Variants in HHIP observed in about 807,000 individuals in gnomAD.
The protein encoded by HHIP is hedgehog interacting protein.
HHIP carries 12 observed loss-of-function variants against 74.0 expected under a neutral mutation model. The ratio of observed to expected loss-of-function variants is 0.16; its 90% CI spans 0.10 to 0.26. The LOEUF is 0.26. Ranked by LOEUF, HHIP falls within the 10% of genes least tolerant of loss-of-function variation. The pLI is 1.00. For synonymous variants in HHIP, 309 were observed against 311.6 expected (o/e 0.99, Z 0.09); for missense variants, 788 against 845.0 (o/e 0.93, Z 0.84).
In HHIP at chr4:144,706,699, T is replaced by C. The variant is rs570667170; in HGVS notation, c.983+17T>C. The C allele has an allele frequency of 4.5e-6, 7 of 1,571,078 alleles. No individual in the cohort carries two copies. The Admixed American group carries it at 6.3e-5, about 14-fold the overall frequency. ...AGTATCCAGGTATCACTAAAAGGCA[T>C]CGAAGCATAGAAATTTCTCATCTTA... On this transcript the variant is annotated intron_variant, in intron 5 of 12. Coordinates refer to ENST00000296575, the MANE Select transcript of HHIP (RefSeq NM_022475.3).
chr4:144,656,916 T>C (rs1728574175), intron 2 of HHIP, among the ~76,000 whole-genome samples: 1 of 152,158 alleles, frequency 6.6e-6, no homozygotes, highest in Admixed American at 6.5e-5. Context: ...GAATTTTTTT[T>C]CAAAGAAAAA....
intron 9 of HHIP, 152 bp downstream of exon 9, chr4:144,714,500 T>C (rs1228692403): frequency 2.8e-6 from 2 of 709,788 alleles, no homozygotes; most frequent in Non-Finnish European, 4.6e-6. Flanking sequence ...GTTCCATAGA[T>C]ATAGTGGTTT....
At chr4:144,690,480 A>G (rs1225710815) in intron 4 of HHIP, among the ~76,000 whole-genome samples, 3 of 152,198 alleles carry the variant, frequency 2.0e-5, no homozygotes, top group Non-Finnish European at 4.4e-5. Flanking sequence ...TAAACGATCA[A>G]CAAGTTATTC....
intron 4 of HHIP, among the ~76,000 whole-genome samples, chr4:144,692,281 C>G (rs1255702128): frequency 6.6e-6 from 1 of 152,140 alleles, no homozygotes; most frequent in Non-Finnish European, 1.5e-5. Flanking sequence ...TCAAACCCAA[C>G]TGTCATGTAA....
At chr4:144,734,193 ATAT>A (rs942159705) in intron 11 of HHIP, among the ~76,000 whole-genome samples, 12 of 151,782 alleles carry the variant, frequency 7.9e-5, no homozygotes, top group Non-Finnish European at 1.3e-4. Flanking sequence ...CAGTCTAAAA[ATAT>A]TATCTCAAAA....
intron 11 of HHIP, among the ~76,000 whole-genome samples, chr4:144,728,981 C>T (rs1578729646): frequency 6.6e-6 from 1 of 152,132 alleles, no homozygotes; most frequent in Non-Finnish European, 1.5e-5. Flanking sequence ...TAAACTGACA[C>T]TGAAGAAAGA....
In HHIP at chr4:144,742,636, T is replaced by A. The variant is rs1332878829; in HGVS notation, c.*4679T>A. 6.6e-6 allele frequency: 1 copy of A among 151,602 alleles called. No homozygotes were observed. The highest frequency in any genetic ancestry group is 1.5e-5 in the Non-Finnish European group (1 of 67,888). The allele number at this position is 151,602 out of a possible 1,614,324, so 9.4% of individuals were successfully genotyped here. A position where few individuals can be genotyped will look rare whatever the true frequency, so the allele number is the denominator to read the frequency against. On this transcript the variant is annotated 3_prime_UTR_variant, in exon 13 of 13. Coordinates refer to ENST00000296575, the MANE Select transcript of HHIP (RefSeq NM_022475.3). ...AAGTTGCAGAGGACTCAGACCAAAG[T>A]CCCATGGCAGAAAATGTACATATTT...
chr4:144,673,818 T>A (rs184956957), intron 4 of HHIP, among the ~76,000 whole-genome samples: 1 of 152,364 alleles, frequency 6.6e-6, no homozygotes, highest in East Asian at 1.9e-4. Flanking sequence ...CATAATGGGT[T>A]TCTTCTTTGT....
At chr4:144,650,461 A>G (rs542368657) in intron 1 of HHIP, among the ~76,000 whole-genome samples, 33 of 152,266 alleles carry the variant, frequency 2.2e-4, no homozygotes, top group Admixed American at 5.9e-4. Flanking sequence ...TGACGGCATC[A>G]TCAGAAATAA....
intron 4 of HHIP, among the ~76,000 whole-genome samples, chr4:144,678,086 C>T (rs1250540921): frequency 6.6e-6 from 1 of 152,134 alleles, no homozygotes; most frequent in Admixed American, 6.5e-5. Context: ...TCTATACAAC[C>T]TATAGTCCCA....
chr4:144,700,643 T>C (rs556805787), intron 4 of HHIP, among the ~76,000 whole-genome samples: 1 of 152,228 alleles, frequency 6.6e-6, no homozygotes, highest in South Asian at 2.1e-4. Flanking sequence ...GCTTTGAAGA[T>C]GGAAGAAAGA....
Position 144,741,388 on chromosome 4 carries a change from T to A in HHIP, c.*3431T>A, listed in dbSNP as rs1731259379. ...GTTTTTTTTTTTTTTTTGGTTTCTT[T>A]TTTTTTTTTTTTGAGACGGAGCCTT... is the stretch of plus-strand genomic sequence containing the variant. On this transcript the variant is annotated 3_prime_UTR_variant, in exon 13 of 13. Coordinates refer to ENST00000296575, the MANE Select transcript of HHIP (RefSeq NM_022475.3). 1 of 147,138 alleles carries A rather than the reference T, an allele frequency of 6.8e-6. No individual in the cohort carries two copies. The highest frequency in any genetic ancestry group is 2.5e-5 in the African/African-American group (1 of 40,054). 9.1% of individuals were successfully genotyped at this position (147,138 alleles called of 1,614,324 possible).
Position 144,737,966 on chromosome 4 carries a change from A to G in HHIP, c.*9A>G. 1.3e-6 allele frequency: 2 copies of G among 1,559,290 alleles called. No individual in the cohort carries two copies. Among genetic ancestry groups the G allele is most frequent in the Non-Finnish European group, 1.7e-6 (2 of 1,152,900 alleles). On this transcript the variant is annotated 3_prime_UTR_variant, in exon 13 of 13. Transcript: ENST00000296575. Reference sequence around the variant, plus strand: ...CAAGTTACATTGTATAGTTTCTGGGACTGTTTGAATATTCTATTCCAATGG... The same window carrying G: ...CAAGTTACATTGTATAGTTTCTGGGGCTGTTTGAATATTCTATTCCAATGG...
intron 10 of HHIP, among the ~76,000 whole-genome samples, chr4:144,716,686 A>G (rs1730453948): frequency 6.6e-6 from 1 of 151,920 alleles, no homozygotes; most frequent in South Asian, 2.1e-4. Flanking sequence ...TGTCTCTACA[A>G]AAACTACAAA....
intron 11 of HHIP, among the ~76,000 whole-genome samples, chr4:144,726,945 T>G (rs1730824111): frequency 6.6e-6 from 1 of 152,230 alleles, no homozygotes; most frequent in South Asian, 2.1e-4. Flanking sequence ...CAGCTACTTC[T>G]GAGCTGCTTG....
At chr4:144,648,345 T>G (rs1357636361) in intron 1 of HHIP, 1 of 152,198 alleles carries the variant, frequency 6.6e-6, no homozygotes, top group Non-Finnish European at 1.5e-5. Flanking sequence ...CCCAGCTCTG[T>G]CCAAATGTTC....
intron 4 of HHIP, among the ~76,000 whole-genome samples, chr4:144,675,452 T>A (rs796672826): frequency 5.9e-5 from 9 of 152,166 alleles, no homozygotes; most frequent in African/African-American, 1.9e-4. Flanking sequence ...GAATTTAGAT[T>A]CAGTTTTGGA....
intron 4 of HHIP, among the ~76,000 whole-genome samples, chr4:144,702,094 A>C (rs560487991): frequency 4.9e-4 from 75 of 152,322 alleles, no homozygotes; most frequent in African/African-American, 1.8e-3. Context: ...TCAAGGCTGC[A>C]GTGAGCCATG....
chr4:144,672,463 G>A (rs1729066385), intron 4 of HHIP, among the ~76,000 whole-genome samples: 1 of 152,168 alleles, frequency 6.6e-6, no homozygotes, highest in African/African-American at 2.4e-5. Flanking sequence ...AGTACTTGGG[G>A]TGGTAGGGGA....
Sources: gnomAD v4.1 joint callset for allele counts (sites outside exome capture counted in the v4.1 genomes callset) on GRCh38, gnomAD v4.1.1 for gene constraint, MANE v1.5 for transcripts, NCBI Gene and HGNC (gene_info 2026-07-23, HGNC 2026-07-21) for gene names.